Variants in NRCAM observed in about 807,000 individuals in gnomAD.
The protein encoded by NRCAM is NgCAM-related cell adhesion molecule.
NRCAM carries 83 observed loss-of-function variants against 156.5 expected under a neutral mutation model. The observed-to-expected ratio is 0.53, with a 90% CI of 0.44 to 0.64. The LOEUF (loss-of-function observed/expected upper bound fraction) is 0.64, where lower values mean the gene tolerates loss of function less well. Ranked by LOEUF, NRCAM falls within the 30% of genes least tolerant of loss-of-function variation. The pLI, the probability that NRCAM is intolerant of heterozygous loss-of-function variation, is 0.00. For missense variants in NRCAM, 1,417 were observed against 1,597.3 expected (o/e 0.89, Z 1.92); for synonymous variants, 538 against 563.9 (o/e 0.95, Z 0.65).
intron 2 of NRCAM, among the ~76,000 whole-genome samples, chr7:108,358,911 A>G (rs1406005741): frequency 6.6e-6 from 1 of 152,204 alleles, no homozygotes; most frequent in Non-Finnish European, 1.5e-5. Context: ...AACAGATTGC[A>G]TGAAATTGTT....
chr7:108,253,046 T>C (rs918453536), intron 3 of NRCAM, among the ~76,000 whole-genome samples: 4 of 152,252 alleles, frequency 2.6e-5, no homozygotes, highest in Non-Finnish European at 5.9e-5. Context: ...TTGTCATTTT[T>C]ACTTAGAAGC....
chr7:108,228,876 ATTTGTTT>A lies in NRCAM; in HGVS notation c.550+2148_550+2154del, dbSNP rs1384314607. 2.0e-5 allele frequency among the ~76,000 whole-genome samples: 3 copies of A among 152,158 alleles called. No individual in the cohort carries two copies. The East Asian group carries it at 5.8e-4, about 29-fold the overall frequency. On this transcript the variant is annotated intron_variant, in intron 8 of 32. Coordinates refer to ENST00000379028, the MANE Select transcript of NRCAM (RefSeq NM_001037132.4). ...AAAGACTAGATTTACTTAGCTATATATTTGTTTTTTATTTCTTTGTGTTACTTTACTT... is the reference window on the plus strand; with the variant it reads ...AAAGACTAGATTTACTTAGCTATATATTTATTTCTTTGTGTTACTTTACTT...
chr7:108,307,804 G>C (rs1413813927), intron 3 of NRCAM, among the ~76,000 whole-genome samples: 1 of 152,110 alleles, frequency 6.6e-6, no homozygotes, highest in Non-Finnish European at 1.5e-5. Flanking sequence ...TTCCTCCTGG[G>C]TAGTTCCCTA....
intron 1 of NRCAM, among the ~76,000 whole-genome samples, chr7:108,417,245 C>A (rs1236140225): frequency 6.6e-6 from 1 of 152,130 alleles, no homozygotes; most frequent in Non-Finnish European, 1.5e-5. Context: ...TAACAGAAAA[C>A]CTGAGACTGG....
intron 3 of NRCAM, among the ~76,000 whole-genome samples, chr7:108,255,820 C>G (rs2096614892): frequency 6.6e-6 from 1 of 151,140 alleles, no homozygotes; most frequent in Admixed American, 6.6e-5. Flanking sequence ...GCCGGGCTGC[C>G]CCCTCTGAGA....
intron 2 of NRCAM, among the ~76,000 whole-genome samples, chr7:108,323,521 C>T (rs1377324195): frequency 6.6e-6 from 1 of 152,096 alleles, no homozygotes; most frequent in African/African-American, 2.4e-5. Flanking sequence ...TTGTGCAATC[C>T]CCAGACTTTT....
At chr7:108,290,006 T>C (rs1312600605) in intron 3 of NRCAM, among the ~76,000 whole-genome samples, 2 of 152,168 alleles carry the variant, frequency 1.3e-5, no homozygotes, top group African/African-American at 2.4e-5. Context: ...AGAGATTCCC[T>C]ACTTTTGGAG....
intron 3 of NRCAM, among the ~76,000 whole-genome samples, chr7:108,280,956 T>C (rs184303444): frequency 8.6e-4 from 131 of 152,318 alleles, no homozygotes; most frequent in African/African-American, 3.0e-3. Flanking sequence ...AATTAAATGA[T>C]GAAAAACCTG....
At chr7:108,287,343 TA>T (rs1279044415) in intron 3 of NRCAM, among the ~76,000 whole-genome samples, 1 of 151,774 alleles carries the variant, frequency 6.6e-6, no homozygotes, top group East Asian at 1.9e-4. Flanking sequence ...TTAATTAAAC[TA>T]AAAAGCTTCT....
chr7:108,415,284 T>C (rs1211515158), intron 1 of NRCAM, among the ~76,000 whole-genome samples: 1 of 152,072 alleles, frequency 6.6e-6, no homozygotes. Flanking sequence ...AGGGTGACAA[T>C]GTCTAATGGA....
chr7:108,341,219 C>A (rs2099272969), intron 2 of NRCAM, among the ~76,000 whole-genome samples: 1 of 152,232 alleles, frequency 6.6e-6, no homozygotes, highest in South Asian at 2.1e-4. Context: ...ACCAGATGAT[C>A]CGGCAGCAGG....
intron 9 of NRCAM, 61 bp from the exon 10 acceptor site, chr7:108,225,762 T>C: frequency 9.7e-7 from 1 of 1,029,014 alleles, no homozygotes; most frequent in South Asian, 1.3e-5. Flanking sequence ...TCAAAAAGTA[T>C]TGGGCAATAA....
At chr7:108,374,918 TC>T (rs1286669393) in intron 2 of NRCAM, among the ~76,000 whole-genome samples, 1 of 152,152 alleles carries the variant, frequency 6.6e-6, no homozygotes, top group African/African-American at 2.4e-5. Flanking sequence ...CTTGTTTTGT[TC>T]CTTACTGATT....
At chr7:108,439,172 T>C (rs1212879315) in intron 1 of NRCAM, among the ~76,000 whole-genome samples, 2 of 152,044 alleles carry the variant, frequency 1.3e-5, no homozygotes, top group Admixed American at 6.6e-5. Context: ...TTTTGTGAAG[T>C]TGAGTGAGGA....
In NRCAM at chr7:108,155,226, C is replaced by G. The variant is rs147063054; in HGVS notation, c.3677+4237G>C. 4.6e-5 allele frequency among the ~76,000 whole-genome samples: 7 copies of G among 151,320 alleles called. No individual in the cohort carries two copies. In the East Asian group the frequency reaches 1.4e-3, roughly 30 times the overall value. ...AAGCTTTACAAAACAGGTAAAAATT[C>G]ATTCACATTTTAATGAGAAAGTTTA... On this transcript the variant is annotated intron_variant, in intron 32 of 32. Coordinates refer to ENST00000379028, the MANE Select transcript of NRCAM (RefSeq NM_001037132.4).
At position 108,231,052 on chromosome 7, in the gene NRCAM, T is replaced by C. The variant is rs779000298; in HGVS notation, c.529A>G (p.Ile177Val). 1 of 1,605,524 alleles carries C rather than the reference T, an allele frequency of 6.2e-7. No individual in the cohort carries two copies. Among genetic ancestry groups the C allele is most frequent in the South Asian group, 1.1e-5 (1 of 90,406 alleles). The change falls in exon 8 of 33, where the codon ATA (isoleucine) becomes GTA (valine). Residue 177 changes from isoleucine to valine, a missense_variant. Transcript: ENST00000379028. ...TTACAATTATCCATCCAAAATATTA[T>C]AGGTGGTGGTAATCCAATTGGGGGT... is the stretch of plus-strand genomic sequence containing the variant. Reference protein sequence around the residue: ...CRPPIGLPPPIIFWMDNSFQR... With the variant: ...CRPPIGLPPPVIFWMDNSFQR...
At chr7:108,171,750 C>G (rs2058514117) in intron 28 of NRCAM, among the ~76,000 whole-genome samples, 1 of 152,098 alleles carries the variant, frequency 6.6e-6, no homozygotes, top group African/African-American at 2.4e-5. Flanking sequence ...ATGTCAAGGC[C>G]AGGGTTTGTC....
At chr7:108,317,931 AGAAAG>A (rs1213342787) in intron 2 of NRCAM, among the ~76,000 whole-genome samples, 11 of 150,870 alleles carry the variant, frequency 7.3e-5, no homozygotes, top group African/African-American at 1.9e-4. Flanking sequence ...AAAGAAAGAA[AGAAAG>A]GAAAGGAAAG....
At chr7:108,415,703 A>G (rs971297200) in intron 1 of NRCAM, among the ~76,000 whole-genome samples, 1 of 152,190 alleles carries the variant, frequency 6.6e-6, no homozygotes, top group Non-Finnish European at 1.5e-5. Context: ...CAACATGGCA[A>G]AACCCTGCCT....
Sources: allele counts gnomAD v4.1 joint callset (sites outside exome capture counted in the v4.1 genomes callset), GRCh38; gene constraint gnomAD v4.1.1; transcripts MANE v1.5; gene names NCBI Gene and HGNC (gene_info 2026-07-23, HGNC 2026-07-21).